Variants in RIMS2 observed in about 807,000 individuals in gnomAD.
RIMS2 encodes the protein regulating synaptic membrane exocytosis 2.
A neutral mutation model predicts 174.4 loss-of-function variants in RIMS2; 59 were observed. The observed-to-expected ratio is 0.34, with a 90% CI of 0.27 to 0.42. The LOEUF (loss-of-function observed/expected upper bound fraction) is 0.42, where lower values mean the gene tolerates loss of function less well. RIMS2 is among the 10% of genes least tolerant of loss of function. The pLI is 1.00. For missense variants in RIMS2, 1,620 were observed against 1,666.3 expected (o/e 0.97, Z 0.48); for synonymous variants, 606 against 572.5 (o/e 1.06, Z -0.84).
chr8:103,835,468 T>G (rs1239562342), intron 3 of RIMS2, among the ~76,000 whole-genome samples: 2 of 152,190 alleles, frequency 1.3e-5, no homozygotes, highest in African/African-American at 2.4e-5. Context: ...ATCATAAAAA[T>G]GAGAAATTCA....
chr8:103,636,566 G>A (rs570164025), intron 1 of RIMS2, among the ~76,000 whole-genome samples: 1 of 152,222 alleles, frequency 6.6e-6, no homozygotes, highest in Non-Finnish European at 1.5e-5. Flanking sequence ...CTGGGTCTGT[G>A]TTGCTCCCAG....
At chr8:103,970,258 G>T (rs2092711974) in intron 15 of RIMS2, among the ~76,000 whole-genome samples, 1 of 152,082 alleles carries the variant, frequency 6.6e-6, no homozygotes, top group African/African-American at 2.4e-5. Flanking sequence ...CCTCCCTTAG[G>T]TGGAACAAGA....
At chr8:103,561,094 C>G (rs1201566369) in intron 1 of RIMS2, among the ~76,000 whole-genome samples, 1 of 152,208 alleles carries the variant, frequency 6.6e-6, no homozygotes, top group Non-Finnish European at 1.5e-5. Flanking sequence ...TTTATACTAG[C>G]TGGCTTAATC....
intron 3 of RIMS2, among the ~76,000 whole-genome samples, chr8:103,830,062 T>A (rs553199026): frequency 2.0e-5 from 3 of 152,180 alleles, no homozygotes; most frequent in African/African-American, 4.8e-5. Flanking sequence ...TATTATCTTG[T>A]TAATATCTAT....
chr8:103,948,972 A>T (rs536449760), intron 14 of RIMS2, among the ~76,000 whole-genome samples: 5 of 151,410 alleles, frequency 3.3e-5, no homozygotes, highest in East Asian at 1.9e-4. Flanking sequence ...CAAAAAAAAA[A>T]AATAATTAGC....
chr8:103,512,009 C>G (rs1481173469), intron 1 of RIMS2, among the ~76,000 whole-genome samples: 1 of 152,104 alleles, frequency 6.6e-6, no homozygotes, highest in South Asian at 2.1e-4. Flanking sequence ...GTGGGACTTG[C>G]AGAGAAGCTG....
chr8:104,100,979 ATATAT>A (rs200814311), intron 19 of RIMS2, among the ~76,000 whole-genome samples: 2,609 of 138,632 alleles, frequency 0.019, 84 homozygotes, highest in African/African-American at 0.067. Context: ...AGTATATATG[ATATAT>A]TATATAGTAT....
chr8:103,883,017 T>TA (rs1654932169), intron 3 of RIMS2, among the ~76,000 whole-genome samples: 1 of 151,668 alleles, frequency 6.6e-6, no homozygotes. Context: ...GTAGGCTTAT[T>TA]AACTTGATGA....
At chr8:103,790,887 A>C (rs1476208080) in intron 3 of RIMS2, among the ~76,000 whole-genome samples, 1 of 152,208 alleles carries the variant, frequency 6.6e-6, no homozygotes, top group East Asian at 1.9e-4. Context: ...TTAGGTGAAA[A>C]ATGAGCAAAG....
rs2098987061 is a variant in RIMS2 at position 104,189,587 on chromosome 8, TATATATATATATTTA to T, written c.3335-55328_3335-55314del. 3.4e-5 allele frequency among the ~76,000 whole-genome samples: 5 copies of T among 147,670 alleles called. No individual in the cohort carries two copies. In the South Asian group the frequency reaches 8.4e-4, roughly 25 times the overall value. On this transcript the variant is annotated intron_variant, in intron 19 of 23. Transcript: ENST00000504942. ...ATAAATTCCAAATATATACATTATA[TATATATATATATTTA>T]TGTAAATATATATATATTTCAAATA... is the stretch of plus-strand genomic sequence containing the variant.
chr8:103,645,070 T>A (rs1423197310), intron 1 of RIMS2, among the ~76,000 whole-genome samples: 1 of 152,062 alleles, frequency 6.6e-6, no homozygotes, highest in Non-Finnish European at 1.5e-5. Flanking sequence ...AATCTTTCTT[T>A]GCCATTATCT....
intron 1 of RIMS2, among the ~76,000 whole-genome samples, chr8:103,661,705 C>T (rs142703242): frequency 2.6e-5 from 4 of 152,230 alleles, no homozygotes; most frequent in East Asian, 1.9e-4. Flanking sequence ...GGGGTTTCAC[C>T]GTGTTTCCCA....
At chr8:104,164,075 A>G (rs1265976087) in intron 19 of RIMS2, among the ~76,000 whole-genome samples, 4 of 152,116 alleles carry the variant, frequency 2.6e-5, no homozygotes, top group Non-Finnish European at 5.9e-5. Context: ...AACAGCGGCC[A>G]CCCACCTTTA....
At chr8:103,543,242 A>G (rs963069206) in intron 1 of RIMS2, among the ~76,000 whole-genome samples, 6 of 152,196 alleles carry the variant, frequency 3.9e-5, no homozygotes, top group Admixed American at 2.0e-4. Context: ...TACTGGAGAA[A>G]GAAATCAAGA....
intron 3 of RIMS2, among the ~76,000 whole-genome samples, chr8:103,884,805 A>G (rs1438717171): frequency 6.6e-6 from 1 of 151,910 alleles, no homozygotes; most frequent in Non-Finnish European, 1.5e-5. Context: ...AAGATGATGA[A>G]TGAAAAATGA....
chr8:104,208,825 C>T (rs552856728), intron 19 of RIMS2, among the ~76,000 whole-genome samples: 1 of 152,192 alleles, frequency 6.6e-6, no homozygotes, highest in Admixed American at 6.5e-5. Flanking sequence ...GCGTGAGCCA[C>T]CACGCCCAGC....
At chr8:104,153,637 C>T (rs888298652) in intron 19 of RIMS2, among the ~76,000 whole-genome samples, 1 of 151,860 alleles carries the variant, frequency 6.6e-6, no homozygotes, top group Non-Finnish European at 1.5e-5. Flanking sequence ...AGGAGTAATC[C>T]GCGGGTAGCA....
At chr8:104,126,707 A>C (rs1229043273) in intron 19 of RIMS2, among the ~76,000 whole-genome samples, 1 of 152,262 alleles carries the variant, frequency 6.6e-6, no homozygotes, top group African/African-American at 2.4e-5. Context: ...AATACATGTT[A>C]GGCAAAGTTA....
intron 4 of RIMS2, among the ~76,000 whole-genome samples, chr8:103,891,725 A>G (rs538138482): frequency 1.2e-4 from 18 of 152,182 alleles, no homozygotes; most frequent in Admixed American, 7.2e-4. Flanking sequence ...ATAAATTATG[A>G]AATGTTTGAA....
Sources: gnomAD v4.1 joint callset for allele counts (sites outside exome capture counted in the v4.1 genomes callset) on GRCh38, gnomAD v4.1.1 for gene constraint, MANE v1.5 for transcripts, NCBI Gene and HGNC (gene_info 2026-07-23, HGNC 2026-07-21) for gene names.